The following B4GALNT3 variants were observed in gnomAD, a reference collection of about 807,000 sequenced individuals.
B4GALNT3 encodes beta-1,4-N-acetyl-galactosaminyltransferase 3.
Under a neutral mutation model 120.2 loss-of-function variants are expected in B4GALNT3, and 86 were observed. The ratio of observed to expected loss-of-function variants is 0.72; its 90% CI spans 0.60 to 0.86. The LOEUF (loss-of-function observed/expected upper bound fraction) is 0.86, where lower values mean the gene tolerates loss of function less well. Among genes scored for constraint, B4GALNT3 ranks in the 40% least tolerant of loss-of-function variants. The pLI is 0.00. For synonymous variants in B4GALNT3, 518 were observed against 510.4 expected (o/e 1.01, Z -0.20); for missense variants, 1,167 against 1,298.9 (o/e 0.90, Z 1.56).
chr12:522,225 G>A (rs773898788), intron 1 of B4GALNT3, among the ~76,000 whole-genome samples: 2 of 152,212 alleles, frequency 1.3e-5, no homozygotes, highest in Non-Finnish European at 2.9e-5. Context: ...CTTGTTCACA[G>A]CAGCATTTTC....
chr12:556,671 G>A lies in B4GALNT3; in HGVS notation c.2185G>A (p.Val729Met). 6.2e-7 allele frequency: 1 copy of A among 1,614,034 alleles called. No homozygotes were observed. The highest frequency in any genetic ancestry group is 8.5e-7 in the Non-Finnish European group (1 of 1,180,050). Reference sequence around the variant, plus strand: ...GCGCGTGGTGCGGCTCTCGGAGTATGTGTCTGCACGAGGCTGGCAGGGCAT... The same window carrying A: ...GCGCGTGGTGCGGCTCTCGGAGTATATGTCTGCACGAGGCTGGCAGGGCAT... The part of the protein sequence containing the change: ...GQRVVRLSEY[V>M]SARGWQGIDP... Residue 729 changes from valine (V) to methionine (M), a missense_variant, in exon 15 of 20, where the codon GTG (valine) becomes ATG (methionine). Around this residue, in one of 3 missense-constraint regions of B4GALNT3, gnomAD observed 983 missense variants for 1,102.5 expected, o/e 0.89. Transcript: ENST00000266383.
intron 1 of B4GALNT3, among the ~76,000 whole-genome samples, chr12:478,040 A>G (rs1946200335): frequency 6.6e-6 from 1 of 152,114 alleles, no homozygotes. Flanking sequence ...GCTTGCACCT[A>G]GGAGTTTTAG....
chr12:504,530 GC>G (rs1401825995), intron 1 of B4GALNT3, among the ~76,000 whole-genome samples: 10 of 148,784 alleles, frequency 6.7e-5, no homozygotes, highest in African/African-American at 2.5e-4. Flanking sequence ...TGTGATCTCA[GC>G]TCACTGCAAC....
Position 560,931 on chromosome 12 carries a change from C to T in B4GALNT3, c.2889-412C>T, listed in dbSNP as rs547118503. 7.2e-5 allele frequency among the ~76,000 whole-genome samples: 11 copies of T among 152,306 alleles called. No individual in the cohort carries two copies. The South Asian group carries it at 1.5e-3, about 20-fold the overall frequency. On this transcript the variant is annotated intron_variant, in intron 19 of 19. Transcript: ENST00000266383. ...CAGCCCTGCCTTCCTCCGTCTATGACGTGTGCCCTGGAGGCTGGGCGCCAG... is the reference window on the plus strand; with the variant it reads ...CAGCCCTGCCTTCCTCCGTCTATGATGTGTGCCCTGGAGGCTGGGCGCCAG...
rs1300996509 is a variant in B4GALNT3, at chr12:549,890, C to T, written c.975C>T (p.Asp325=). The change falls in exon 10 of 20, where the codon GAC becomes GAT. Residue 325 remains aspartate (D), a synonymous_variant. Coordinates refer to ENST00000266383, the MANE Select transcript of B4GALNT3 (RefSeq NM_173593.4). ...CGCCCGCTGACATGCTTCGGCCTGA[C>T]CCCCGGGACACCCTCTATCGAGGTA... ...EQPPADMLRP[D]PRDTLYRVPL... 1.2e-5 allele frequency: 20 copies of T among 1,613,120 alleles called. No individual in the cohort carries two copies. The highest frequency in any genetic ancestry group is 1.6e-5 in the Non-Finnish European group (19 of 1,179,900).
In B4GALNT3 at chr12:553,857, TC is replaced by T. The variant is rs778317698; in HGVS notation, c.1936del (p.Gln646LysfsTer3). ...DQTFSARNLD[F>X]QALRTDWIDL... ...ACCTTCAGTGCCCGGAATCTCGACT[TC>T]CAAGCCCTGAGGACTGACTGGATCG... On this transcript the variant is annotated frameshift_variant, in exon 14 of 20. Coordinates refer to ENST00000266383, the MANE Select transcript of B4GALNT3 (RefSeq NM_173593.4). LOFTEE classifies it high-confidence loss of function. 8.1e-6 allele frequency: 13 copies of T among 1,614,178 alleles called. No homozygotes were observed. Among genetic ancestry groups the T allele is most frequent in the Non-Finnish European group, 5.1e-6 (6 of 1,180,006 alleles).
chr12:540,459 C>T (rs1381707177), intron 3 of B4GALNT3: 2 of 152,092 alleles, frequency 1.3e-5, no homozygotes, highest in African/African-American at 4.8e-5. Context: ...TAGAAGGCCT[C>T]GGAGAGAACT....
intron 1 of B4GALNT3, among the ~76,000 whole-genome samples, chr12:467,534 G>C (rs529198043): frequency 2.4e-4 from 37 of 152,244 alleles, no homozygotes; most frequent in African/African-American, 8.2e-4. Context: ...ACTCCAGCCT[G>C]GGTGACAGCA....
intron 1 of B4GALNT3, among the ~76,000 whole-genome samples, chr12:469,798 T>C (rs530455915): frequency 3.7e-4 from 57 of 152,248 alleles, no homozygotes; most frequent in South Asian, 1.0e-3. Flanking sequence ...CTGGCAGTTA[T>C]CTCATTATTT....
chr12:541,785 G>C (rs1946918471), intron 3 of B4GALNT3, among the ~76,000 whole-genome samples: 2 of 151,166 alleles, frequency 1.3e-5, no homozygotes, highest in Admixed American at 1.3e-4. Flanking sequence ...GGTGAGGCAG[G>C]AGTGGCCAGC....
chr12:546,590 C>G, intron 6 of B4GALNT3, 56 bp from the exon 7 acceptor site: 1 of 1,483,608 alleles, frequency 6.7e-7, no homozygotes, highest in East Asian at 2.5e-5. Context: ...CTCACCGCCT[C>G]GCGTGCTTCC....
intron 1 of B4GALNT3, among the ~76,000 whole-genome samples, chr12:533,904 C>T (rs1017202102): frequency 2.6e-5 from 4 of 152,216 alleles, no homozygotes; most frequent in South Asian, 2.1e-4. Flanking sequence ...TGGCCACCTT[C>T]GGTGAAGCCC....
chr12:539,548 A>G (rs534364792), intron 3 of B4GALNT3, among the ~76,000 whole-genome samples: 115 of 152,118 alleles, frequency 7.6e-4, no homozygotes, highest in African/African-American at 1.0e-3. Context: ...AAAAAAAAAA[A>G]AAAGAAAGAA....
rs117768046 is a variant in B4GALNT3, at chr12:477,692, A to G, written c.169+17147A>G. ...AATGAATAGATGAAGTTGATTTTAGATCAGAAGAATCCTGGAACACATGAA... is the reference window on the plus strand; with the variant it reads ...AATGAATAGATGAAGTTGATTTTAGGTCAGAAGAATCCTGGAACACATGAA... On this transcript the variant is annotated intron_variant, in intron 1 of 19. Transcript: ENST00000266383. Among the ~76,000 whole-genome samples, 1,067 of 152,348 alleles carry G rather than the reference A, an allele frequency of 7.0e-3. 5 individuals carry two copies. The highest frequency in any genetic ancestry group is 0.012 in the Non-Finnish European group (818 of 68,034).
At chr12:511,064 G>T (rs1323185908) in intron 1 of B4GALNT3, among the ~76,000 whole-genome samples, 4 of 99,698 alleles carry the variant, frequency 4.0e-5, no homozygotes, top group Non-Finnish European at 7.6e-5. Flanking sequence ...TTGAGACAGG[G>T]TCTTACTCTG....
intron 1 of B4GALNT3, among the ~76,000 whole-genome samples, chr12:504,141 A>C (rs1946471330): frequency 6.6e-6 from 1 of 150,960 alleles, no homozygotes; most frequent in Non-Finnish European, 1.5e-5. Flanking sequence ...GTGTTAAAGT[A>C]ACACATGCTC....
intron 1 of B4GALNT3, among the ~76,000 whole-genome samples, chr12:466,828 C>A (rs1946085509): frequency 6.6e-6 from 1 of 151,994 alleles, no homozygotes; most frequent in South Asian, 2.1e-4. Flanking sequence ...TACTGACCAA[C>A]TTTTAAGAAA....
At chr12:552,006 T>A in intron 11 of B4GALNT3, 57 bp from the exon 12 acceptor site, 1 of 1,369,046 alleles carries the variant, frequency 7.3e-7, no homozygotes, top group South Asian at 1.2e-5. Context: ...CCTGGCTGGC[T>A]GATTTCTTAC....
At chr12:535,134 G>C in intron 1 of B4GALNT3, 32 bp from the exon 2 acceptor site, 1 of 1,583,690 alleles carries the variant, frequency 6.3e-7, no homozygotes. Context: ...AGGTTACGCT[G>C]ACCTGAGGGC....
Sources: gnomAD v4.1 joint callset for allele counts (sites outside exome capture counted in the v4.1 genomes callset) on GRCh38, gnomAD v4.1.1 for gene constraint, gnomAD v4.1.1 regional missense constraint, MANE v1.5 for transcripts, NCBI Gene and HGNC (gene_info 2026-07-23, HGNC 2026-07-21) for gene names.